The following DPYD variants were observed in gnomAD, a reference collection of about 807,000 sequenced individuals.
DPYD encodes dihydropyrimidine dehydrogenase [NADP(+)].
A neutral mutation model predicts 116.2 loss-of-function variants in DPYD; 109 were observed. The ratio of observed to expected loss-of-function variants is 0.94; its 90% CI spans 0.80 to 1.10. DPYD has a LOEUF of 1.10. Among genes scored for constraint, DPYD ranks in the 50% least tolerant of loss-of-function variants. The pLI, the probability that DPYD is intolerant of heterozygous loss-of-function variation, is 0.00. For missense variants in DPYD, 1,302 were observed against 1,254.5 expected (o/e 1.04, Z -0.57); for synonymous variants, 440 against 432.0 (o/e 1.02, Z -0.23).
rs528660988 is a variant in DPYD, at chr1:97,098,898, T to G, written c.2623-266A>C. Among the ~76,000 whole-genome samples, 8 of 152,268 alleles carry G rather than the reference T, an allele frequency of 5.3e-5. No homozygotes were observed. In the East Asian group the frequency reaches 1.5e-3, roughly 29 times the overall value. On this transcript the variant is annotated intron_variant, in intron 20 of 22. Transcript: ENST00000370192. ...ACAAATGTTAATTAAAATACATTTC[T>G]AAATGGAAGAAAGTTCACAATGGCA...
intron 13 of DPYD, among the ~76,000 whole-genome samples, chr1:97,479,568 G>C (rs989869215): frequency 1.1e-4 from 17 of 152,166 alleles, no homozygotes; most frequent in Non-Finnish European, 1.5e-4. Context: ...TACTAAAAAA[G>C]TTTGAAACAT....
At chr1:97,529,265 C>G (rs1053542128) in intron 12 of DPYD, among the ~76,000 whole-genome samples, 13 of 152,126 alleles carry the variant, frequency 8.5e-5, no homozygotes, top group African/African-American at 2.9e-4. Flanking sequence ...ATTTCCTTAG[C>G]ATATAAAATT....
At chr1:97,173,411 C>T (rs774881267) in intron 20 of DPYD, among the ~76,000 whole-genome samples, 93 of 148,314 alleles carry the variant, frequency 6.3e-4, no homozygotes, top group Middle Eastern at 3.6e-3. Context: ...TATATACGTA[C>T]GTACATATAT....
intron 16 of DPYD, among the ~76,000 whole-genome samples, chr1:97,307,130 T>C (rs543347973): frequency 7.9e-5 from 12 of 151,918 alleles, no homozygotes; most frequent in Non-Finnish European, 1.5e-4. Context: ...TGTTCTTTGA[T>C]TTCAACACAT....
intron 3 of DPYD, among the ~76,000 whole-genome samples, chr1:97,743,990 T>TA (rs1416280647): frequency 6.6e-6 from 1 of 152,048 alleles, no homozygotes; most frequent in Non-Finnish European, 1.5e-5. Context: ...GAAAACAACT[T>TA]AGAGTTTTCA....
chr1:97,864,464 T>C (rs1260812667), intron 2 of DPYD, among the ~76,000 whole-genome samples: 1 of 151,812 alleles, frequency 6.6e-6, no homozygotes, highest in Non-Finnish European at 1.5e-5. Context: ...GTGGAATTGA[T>C]TTGGAAGAAA....
At chr1:97,172,822 A>G (rs919429067) in intron 20 of DPYD, among the ~76,000 whole-genome samples, 1 of 152,184 alleles carries the variant, frequency 6.6e-6, no homozygotes, top group African/African-American at 2.4e-5. Flanking sequence ...ATTTTCACAA[A>G]TGATCATTTA....
At chr1:97,376,443 A>G (rs1671618799) in intron 15 of DPYD, among the ~76,000 whole-genome samples, 1 of 152,142 alleles carries the variant, frequency 6.6e-6, no homozygotes, top group Non-Finnish European at 1.5e-5. Context: ...ATGCCCACTC[A>G]CCAAACACAC....
chr1:97,629,596 C>T (rs1419939545), intron 8 of DPYD, among the ~76,000 whole-genome samples: 1 of 152,036 alleles, frequency 6.6e-6, no homozygotes, highest in East Asian at 1.9e-4. Context: ...ATAACTGACA[C>T]TCTCACTTCT....
At chr1:97,787,654 A>T (rs1041786461) in intron 3 of DPYD, among the ~76,000 whole-genome samples, 1 of 152,230 alleles carries the variant, frequency 6.6e-6, no homozygotes, top group African/African-American at 2.4e-5. Context: ...AGAAAAAAAA[A>T]GCTAAATCTT....
At chr1:97,629,418 T>G (rs1657120363) in intron 8 of DPYD, among the ~76,000 whole-genome samples, 1 of 152,052 alleles carries the variant, frequency 6.6e-6, no homozygotes, top group East Asian at 1.9e-4. Context: ...CTCAAAGCTA[T>G]CCTACCCCAG....
At chr1:97,124,359 A>G (rs544395447) in intron 20 of DPYD, among the ~76,000 whole-genome samples, 1 of 152,256 alleles carries the variant, frequency 6.6e-6, no homozygotes, top group East Asian at 1.9e-4. Context: ...TAAGGCAGAA[A>G]GACATGCTAA....
chr1:97,375,184 TAA>T (rs1176339655), intron 15 of DPYD, among the ~76,000 whole-genome samples: 2 of 152,188 alleles, frequency 1.3e-5, no homozygotes, highest in Non-Finnish European at 2.9e-5. Context: ...GAATTGGTTA[TAA>T]GAGTATTTTA....
Position 97,573,920 on chromosome 1 carries a change from T to C in DPYD, c.1179A>G (p.Pro393=), listed in dbSNP as rs966525816. Residue 393 remains proline, a synonymous_variant, in exon 11 of 23, where the codon CCA becomes CCG. Transcript: ENST00000370192. ...TCCCACCTTTTACTATAACCTTCCG[T>C]GGGGACAGGAATGGCAGAAATTCAC... ...EKCEFLPFLS[P]RKVIVKGGRI... The C allele has an allele frequency of 3.1e-6, 5 of 1,613,542 alleles. No homozygotes were observed. The highest frequency in any genetic ancestry group is 4.2e-6 in the Non-Finnish European group (5 of 1,179,680).
chr1:97,671,607 C>T (rs1200234120), intron 8 of DPYD, among the ~76,000 whole-genome samples: 1 of 152,108 alleles, frequency 6.6e-6, no homozygotes, highest in African/African-American at 2.4e-5. Flanking sequence ...TATTACATTG[C>T]TTTTCATTTC....
intron 16 of DPYD, among the ~76,000 whole-genome samples, chr1:97,309,591 G>T (rs762564839): frequency 1.3e-5 from 2 of 151,682 alleles, no homozygotes; most frequent in Non-Finnish European, 2.9e-5. Flanking sequence ...GTGCTGAGAA[G>T]AGTTTTGATA....
intron 8 of DPYD, among the ~76,000 whole-genome samples, chr1:97,666,150 T>C (rs867021844): frequency 3.3e-5 from 5 of 152,282 alleles, no homozygotes; most frequent in Middle Eastern, 3.4e-3. Flanking sequence ...TCAGTTCTCA[T>C]TTATTCCTTC....
chr1:97,142,561 G>C (rs1289691576), intron 20 of DPYD, among the ~76,000 whole-genome samples: 1 of 152,080 alleles, frequency 6.6e-6, no homozygotes, highest in African/African-American at 2.4e-5. Flanking sequence ...ATCTCCGTCA[G>C]ATTTCATTCT....
chr1:97,452,573 T>C (rs1157360940), intron 13 of DPYD, among the ~76,000 whole-genome samples: 2 of 152,120 alleles, frequency 1.3e-5, no homozygotes, highest in African/African-American at 4.8e-5. Context: ...TGTTGAAATG[T>C]AATCCTCTGT....
Sources: gnomAD v4.1 joint callset for allele counts (sites outside exome capture counted in the v4.1 genomes callset) on GRCh38, gnomAD v4.1.1 for gene constraint, MANE v1.5 for transcripts, NCBI Gene and HGNC (gene_info 2026-07-23, HGNC 2026-07-21) for gene names.